DGKB: variants seen among roughly 807,000 people sequenced by gnomAD.
DGKB encodes diacylglycerol kinase beta.
DGKB carries 67 observed loss-of-function variants against 114.3 expected under a neutral mutation model. The ratio of observed to expected loss-of-function variants is 0.59; its 90% CI spans 0.48 to 0.72. The LOEUF is 0.72. DGKB is among the 30% of genes least tolerant of loss of function. DGKB has a pLI of 0.00. For missense variants in DGKB, 907 were observed against 975.2 expected (o/e 0.93, Z 0.93); for synonymous variants, 398 against 323.1 (o/e 1.23, Z -2.49).
At chr7:14,390,763 AT>A (rs1179831242) in intron 21 of DGKB, among the ~76,000 whole-genome samples, 2 of 152,174 alleles carry the variant, frequency 1.3e-5, no homozygotes, top group African/African-American at 4.8e-5. Flanking sequence ...TGTTTTCATA[AT>A]TTTTTAAAGT....
intron 20 of DGKB, among the ~76,000 whole-genome samples, chr7:14,554,115 G>A (rs925800867): frequency 6.6e-6 from 1 of 151,796 alleles, no homozygotes; most frequent in South Asian, 2.1e-4. Flanking sequence ...CTCGTGATCT[G>A]CCCACCTCGG....
At chr7:14,712,426 A>T (rs1480591687) in intron 6 of DGKB, among the ~76,000 whole-genome samples, 1 of 152,152 alleles carries the variant, frequency 6.6e-6, no homozygotes, top group African/African-American at 2.4e-5. Flanking sequence ...TTAGTTATAG[A>T]AATAGAGAAA....
chr7:14,620,540 TG>T (rs1265228092), intron 15 of DGKB, among the ~76,000 whole-genome samples: 1 of 151,772 alleles, frequency 6.6e-6, no homozygotes, highest in African/African-American at 2.4e-5. Flanking sequence ...ACATACTGTT[TG>T]TATGTTAAAT....
At chr7:14,631,598 G>A (rs1809725275) in intron 13 of DGKB, among the ~76,000 whole-genome samples, 2 of 152,020 alleles carry the variant, frequency 1.3e-5, no homozygotes, top group Admixed American at 1.3e-4. Context: ...TTTTGAAGAT[G>A]AATTGACAGT....
intron 21 of DGKB, among the ~76,000 whole-genome samples, chr7:14,348,797 G>C (rs1305904959): frequency 6.6e-6 from 1 of 151,582 alleles, no homozygotes; most frequent in Admixed American, 6.6e-5. Context: ...TAGAATAAAA[G>C]GTAGCATGTG....
At chr7:14,449,797 GC>G (rs1316653278) in intron 21 of DGKB, among the ~76,000 whole-genome samples, 1 of 151,988 alleles carries the variant, frequency 6.6e-6, no homozygotes, top group Non-Finnish European at 1.5e-5. Flanking sequence ...AGAAATATCA[GC>G]TTTAAAAGAA....
chr7:14,291,142 CAAAAAAAAAAA>C (rs373171858), intron 23 of DGKB, among the ~76,000 whole-genome samples: 1 of 86,380 alleles, frequency 1.2e-5, no homozygotes, highest in Non-Finnish European at 2.1e-5. Context: ...AACTCCGTCT[CAAAAAAAAAAA>C]AAAAAAAAAA....
At chr7:14,530,840 A>C (rs1363439852) in intron 20 of DGKB, among the ~76,000 whole-genome samples, 2 of 151,632 alleles carry the variant, frequency 1.3e-5, no homozygotes, top group Non-Finnish European at 3.0e-5. Flanking sequence ...CTAGCAGAAA[A>C]TGTCATGAAT....
chr7:14,822,127 T>C (rs549561253), intron 2 of DGKB, among the ~76,000 whole-genome samples: 1 of 152,332 alleles, frequency 6.6e-6, no homozygotes, highest in South Asian at 2.1e-4. Flanking sequence ...TAATGCATTT[T>C]TTAACTGTTA....
chr7:14,476,701 A>G (rs2128901651), intron 21 of DGKB, among the ~76,000 whole-genome samples: 1 of 152,190 alleles, frequency 6.6e-6, no homozygotes, highest in South Asian at 2.1e-4. Context: ...GTAAAAAACA[A>G]ATCAAGGAAA....
At chr7:14,798,279 C>A (rs1256026054) in intron 2 of DGKB, among the ~76,000 whole-genome samples, 2 of 152,128 alleles carry the variant, frequency 1.3e-5, no homozygotes, top group African/African-American at 4.8e-5. Context: ...CTGTCCCTGT[C>A]TGCCTAGGAA....
intron 14 of DGKB, among the ~76,000 whole-genome samples, chr7:14,625,238 C>A (rs1221031670): frequency 1.3e-5 from 2 of 152,106 alleles, no homozygotes; most frequent in Admixed American, 6.6e-5. Flanking sequence ...CAAGTGATTT[C>A]TTTGGGGAAA....
chr7:14,803,538 G>C (rs577340730), intron 2 of DGKB, among the ~76,000 whole-genome samples: 1 of 151,896 alleles, frequency 6.6e-6, no homozygotes, highest in Non-Finnish European at 1.5e-5. Flanking sequence ...TAAATTTTTG[G>C]TCGATTTTAA....
At chr7:14,905,972 A>G (rs1450958257), upstream of DGKB, among the ~76,000 whole-genome samples, 1 of 152,142 alleles carries the variant, frequency 6.6e-6, no homozygotes, top group Non-Finnish European at 1.5e-5. Context: ...CAGGGTCTCT[A>G]AGTGTCCTTT....
intron 2 of DGKB, among the ~76,000 whole-genome samples, chr7:14,824,375 T>C (rs1400755650): frequency 6.6e-6 from 1 of 152,132 alleles, no homozygotes; most frequent in Non-Finnish European, 1.5e-5. Flanking sequence ...TGTCTGGCTT[T>C]AGAATTGGGT....
At chr7:14,467,818 A>C (rs1049151587) in intron 21 of DGKB, among the ~76,000 whole-genome samples, 1 of 152,154 alleles carries the variant, frequency 6.6e-6, no homozygotes, top group African/African-American at 2.4e-5. Context: ...GAAGCAACGC[A>C]GAGGATATAA....
At chr7:14,662,352 C>A (rs545446678) in intron 13 of DGKB, among the ~76,000 whole-genome samples, 1 of 151,810 alleles carries the variant, frequency 6.6e-6, no homozygotes, top group East Asian at 1.9e-4. Context: ...GACAAATGTT[C>A]TGTTTTAGGA....
chr7:14,703,509 T>C (rs923571268), intron 6 of DGKB, among the ~76,000 whole-genome samples: 5 of 152,204 alleles, frequency 3.3e-5, no homozygotes, highest in Non-Finnish European at 7.3e-5. Flanking sequence ...TTTTCTTTAC[T>C]AGCCTGACTT....
At chr7:14,497,226 T>C (rs1035628568) in intron 20 of DGKB, among the ~76,000 whole-genome samples, 1 of 151,732 alleles carries the variant, frequency 6.6e-6, no homozygotes, top group Non-Finnish European at 1.5e-5. Context: ...AAAAAATGCC[T>C]ATTGCATATG....
Sources: gnomAD v4.1 joint callset for allele counts (sites outside exome capture counted in the v4.1 genomes callset) on GRCh38, gnomAD v4.1.1 for gene constraint, MANE v1.5 for transcripts, NCBI Gene and HGNC (gene_info 2026-07-23, HGNC 2026-07-21) for gene names.